Variants in INVS observed in about 807,000 individuals in gnomAD.
The protein encoded by INVS is inversin.
A neutral mutation model predicts 108.8 loss-of-function variants in INVS; 86 were observed. The observed-to-expected ratio is 0.79, with a 90% CI of 0.66 to 0.95. The LOEUF (loss-of-function observed/expected upper bound fraction) is 0.95. Ranked by LOEUF, INVS falls within the 40% of genes least tolerant of loss-of-function variation. The pLI is 0.00. For synonymous variants in INVS, 455 were observed against 473.5 expected, an observed-to-expected ratio of 0.96 and a Z score of 0.51; for missense variants, 1,169 against 1,297.4, an observed-to-expected ratio of 0.90 and a Z score of 1.52.
intron 3 of INVS, among the ~76,000 whole-genome samples, chr9:100,138,996 G>A (rs7858119): frequency 0.21 from 31,787 of 151,822 alleles, 5,615 homozygotes; most frequent in African/African-American, 0.49. Flanking sequence ...GTGAGCCACC[G>A]CGCCCGGCCT....
At chr9:100,262,625 T>G (rs555466023) in intron 10 of INVS, among the ~76,000 whole-genome samples, 2 of 135,948 alleles carry the variant, frequency 1.5e-5, no homozygotes, top group South Asian at 4.8e-4. Flanking sequence ...TCTTTATTCC[T>G]TACCTGGAGC....
At chr9:100,142,000 G>A (rs528874099) in intron 3 of INVS, among the ~76,000 whole-genome samples, 2 of 152,286 alleles carry the variant, frequency 1.3e-5, no homozygotes, top group East Asian at 3.9e-4. Flanking sequence ...CTGACGTGAA[G>A]GAGAAAAACT....
At chr9:100,278,684 G>T (rs560551878) in intron 12 of INVS, among the ~76,000 whole-genome samples, 2 of 152,158 alleles carry the variant, frequency 1.3e-5, no homozygotes, top group African/African-American at 4.8e-5. Flanking sequence ...TCTGTCAAAC[G>T]GAAGGGTTAG....
intron 3 of INVS, among the ~76,000 whole-genome samples, chr9:100,162,988 CA>C (rs1221510148): frequency 1.3e-5 from 2 of 152,164 alleles, no homozygotes; most frequent in African/African-American, 2.4e-5. Context: ...GTGTCAGCCA[CA>C]ATGTCTGTTG....
At chr9:100,271,871 A>ATT (rs775899820) in intron 11 of INVS, among the ~76,000 whole-genome samples, 3 of 145,226 alleles carry the variant, frequency 2.1e-5, no homozygotes. Flanking sequence ...GGTTTCCGAA[A>ATT]TTTTTTTTTT....
At chr9:100,282,041 C>G (rs1425491062) in intron 12 of INVS, among the ~76,000 whole-genome samples, 3 of 152,174 alleles carry the variant, frequency 2.0e-5, no homozygotes, top group Non-Finnish European at 4.4e-5. Context: ...CCAACCCAGA[C>G]AGCCACCCAC....
chr9:100,119,200 TC>T (rs930738779), intron 2 of INVS, among the ~76,000 whole-genome samples: 1 of 152,234 alleles, frequency 6.6e-6, no homozygotes, highest in African/African-American at 2.4e-5. Flanking sequence ...TTTTTATTCT[TC>T]TACTTCTTTT....
At chr9:100,111,512 A>G (rs1472179931) in intron 2 of INVS, among the ~76,000 whole-genome samples, 3 of 152,202 alleles carry the variant, frequency 2.0e-5, no homozygotes, top group African/African-American at 7.2e-5. Flanking sequence ...GCAAGCACCA[A>G]TTGGTCATGG....
At chr9:100,212,367 A>G (rs1351732859) in intron 3 of INVS, among the ~76,000 whole-genome samples, 1 of 152,184 alleles carries the variant, frequency 6.6e-6, no homozygotes, top group Non-Finnish European at 1.5e-5. Flanking sequence ...TCTTTGATTT[A>G]TGTCAGAAAA....
At chr9:100,105,246 T>C (rs1267370931) in intron 2 of INVS, among the ~76,000 whole-genome samples, 2 of 152,236 alleles carry the variant, frequency 1.3e-5, no homozygotes, top group East Asian at 3.8e-4. Flanking sequence ...TTCACACCAG[T>C]GTCTGATGAC....
In INVS at chr9:100,220,892, C is replaced by T. The variant is rs376716160; in HGVS notation, c.274-5170C>T. ...TCAGGAAGCTAGGGCAGGAGAATTG[C>T]TTGAACCCTGAAGGCAGAGGTTGCA... On this transcript the variant is annotated intron_variant, in intron 3 of 16. Coordinates refer to ENST00000262457, the MANE Select transcript of INVS (RefSeq NM_014425.5). 1.0e-3 allele frequency among the ~76,000 whole-genome samples: 153 copies of T among 151,422 alleles called. 4 individuals are homozygous for T. The South Asian group carries it at 0.03, about 30-fold the overall frequency.
intron 4 of INVS, among the ~76,000 whole-genome samples, chr9:100,226,755 G>A (rs1486830520): frequency 6.9e-6 from 1 of 144,278 alleles, no homozygotes; most frequent in African/African-American, 2.6e-5. Context: ...AGAGGTTTCA[G>A]TGAGCCCAGA....
rs534833731 is a variant in INVS at position 100,129,303 on chromosome 9, G to A, written c.273+2754G>A. On this transcript the variant is annotated intron_variant, in intron 3 of 16. Coordinates refer to ENST00000262457, the MANE Select transcript of INVS (RefSeq NM_014425.5). ...TTGAGACCAGCCTGGGCAACATGAC[G>A]AAACCCTGTCTCTACTAAAAACACA... Among the ~76,000 whole-genome samples, 14 of 152,032 alleles carry A rather than the reference G, an allele frequency of 9.2e-5. No individual in the cohort carries two copies. In the South Asian group the frequency reaches 2.5e-3, roughly 27 times the overall value.
chr9:100,105,377 A>G (rs1036526562), intron 2 of INVS, among the ~76,000 whole-genome samples: 1 of 152,206 alleles, frequency 6.6e-6, no homozygotes, highest in Non-Finnish European at 1.5e-5. Flanking sequence ...CTACTGGTGT[A>G]CCGTAACCTC....
At chr9:100,184,433 G>A (rs1353212765) in intron 3 of INVS, among the ~76,000 whole-genome samples, 1 of 152,156 alleles carries the variant, frequency 6.6e-6, no homozygotes, top group Non-Finnish European at 1.5e-5. Flanking sequence ...AAAAGCATTA[G>A]TTCCTGTGAA....
At chr9:100,210,373 G>A (rs1008662033) in intron 3 of INVS, among the ~76,000 whole-genome samples, 2 of 152,192 alleles carry the variant, frequency 1.3e-5, no homozygotes, top group Admixed American at 1.3e-4. Flanking sequence ...AAGATTTGAA[G>A]CTGTCTTTAT....
chr9:100,203,049 CAT>C (rs1830576953), intron 3 of INVS, among the ~76,000 whole-genome samples: 1 of 152,218 alleles, frequency 6.6e-6, no homozygotes, highest in Non-Finnish European at 1.5e-5. Context: ...GAGGCAATAA[CAT>C]AGATATTTCA....
At chr9:100,194,664 A>T (rs146388488) in intron 3 of INVS, among the ~76,000 whole-genome samples, 42 of 152,314 alleles carry the variant, frequency 2.8e-4, no homozygotes, top group African/African-American at 1.0e-3. Flanking sequence ...CTTAGGAAGA[A>T]AGCATGTAGT....
chr9:100,229,631 G>A (rs1831443780), intron 4 of INVS, 29 bp from the exon 5 acceptor site: 1 of 1,609,614 alleles, frequency 6.2e-7, no homozygotes, highest in African/African-American at 1.3e-5. Context: ...TGTTACTGTT[G>A]TTATTTCGAG....
Sources: allele counts gnomAD v4.1 joint callset (sites outside exome capture counted in the v4.1 genomes callset), GRCh38; gene constraint gnomAD v4.1.1; transcripts MANE v1.5; gene names NCBI Gene and HGNC (gene_info 2026-07-23, HGNC 2026-07-21).